The following UNC13C variants were observed in gnomAD, a reference collection of about 807,000 sequenced individuals.
UNC13C encodes the protein protein unc-13 homolog C.
In UNC13C, 174 loss-of-function variants were observed where a neutral mutation model predicts 245.4. The observed-to-expected ratio is 0.71, with a 90% CI of 0.63 to 0.80. The LOEUF (loss-of-function observed/expected upper bound fraction) is 0.80. Ranked by LOEUF, UNC13C falls within the 30% of genes least tolerant of loss-of-function variation. The pLI is 0.00. For missense variants in UNC13C, 2,829 were observed against 2,602.9 expected (o/e 1.09, Z -1.89); for synonymous variants, 992 against 895.1 (o/e 1.11, Z -1.93).
At chr15:54,387,370 C>T (rs545700283) in intron 17 of UNC13C, among the ~76,000 whole-genome samples, 30 of 152,270 alleles carry the variant, frequency 2.0e-4, no homozygotes, top group African/African-American at 7.2e-4. Context: ...TGTAAGATAA[C>T]TTCCAGGCAT....
At chr15:53,937,466 A>G in the UNC13C span, among the ~76,000 whole-genome samples, 1 of 152,210 alleles carries the variant, frequency 6.6e-6, no homozygotes, top group Non-Finnish European at 1.5e-5. Flanking sequence ...ATACTTTAGG[A>G]TTTCATACAG....
chr15:54,280,985 A>T (rs894528930), intron 10 of UNC13C, among the ~76,000 whole-genome samples: 1 of 151,774 alleles, frequency 6.6e-6, no homozygotes, highest in African/African-American at 2.4e-5. Context: ...TTTAGTAGAG[A>T]TGAGGATTTG....
intron 17 of UNC13C, among the ~76,000 whole-genome samples, chr15:54,354,113 A>C (rs2140848809): frequency 6.6e-6 from 1 of 152,266 alleles, no homozygotes; most frequent in East Asian, 1.9e-4. Flanking sequence ...GGCTCCCATC[A>C]ATTAGGAAGC....
the UNC13C span, chr15:53,955,691 G>A: frequency 2.0e-5 from 3 of 152,318 alleles, no homozygotes; most frequent in Non-Finnish European, 2.9e-5. Flanking sequence ...AGAGTGTACA[G>A]AAAGAGGATT....
chr15:54,140,920 G>C (rs1050429330), intron 2 of UNC13C, among the ~76,000 whole-genome samples: 1 of 152,036 alleles, frequency 6.6e-6, no homozygotes, highest in African/African-American at 2.4e-5. Context: ...GAACAAAAAA[G>C]GTTCACTGGC....
intron 17 of UNC13C, among the ~76,000 whole-genome samples, chr15:54,376,361 G>T (rs911288763): frequency 6.6e-6 from 1 of 152,084 alleles, no homozygotes; most frequent in South Asian, 2.1e-4. Context: ...AGATAACAAT[G>T]ACAGAAACAT....
intron 4 of UNC13C, among the ~76,000 whole-genome samples, chr15:54,193,404 ATAGCTT>A (rs2034252402): frequency 6.6e-6 from 1 of 152,150 alleles, no homozygotes; most frequent in Non-Finnish European, 1.5e-5. Flanking sequence ...CATTTAGGAA[ATAGCTT>A]CTTTCTTTCA....
chr15:54,180,528 T>A (rs145317374), intron 4 of UNC13C, among the ~76,000 whole-genome samples: 1 of 152,202 alleles, frequency 6.6e-6, no homozygotes, highest in East Asian at 1.9e-4. Context: ...GTAATGGCAT[T>A]GCTGGGTCAA....
At chr15:53,946,012 G>A in the UNC13C span, among the ~76,000 whole-genome samples, 1 of 152,072 alleles carries the variant, frequency 6.6e-6, no homozygotes. Flanking sequence ...TGTAGCAATT[G>A]TGAATGGGAT....
chr15:54,303,236 C>T (rs1019245006), intron 13 of UNC13C, among the ~76,000 whole-genome samples: 2 of 152,084 alleles, frequency 1.3e-5, no homozygotes, highest in Non-Finnish European at 2.9e-5. Context: ...GACATCTGTT[C>T]CATCCCATGC....
chr15:54,161,559 T>C (rs1305433672), intron 4 of UNC13C, among the ~76,000 whole-genome samples: 1 of 152,160 alleles, frequency 6.6e-6, no homozygotes, highest in Non-Finnish European at 1.5e-5. Context: ...TAAATATCAA[T>C]ATTTATTTCT....
chr15:53,993,475 A>C (rs1179678524), intron 1 of UNC13C, among the ~76,000 whole-genome samples: 1 of 152,072 alleles, frequency 6.6e-6, no homozygotes, highest in Non-Finnish European at 1.5e-5. Context: ...TTAGTCCTGA[A>C]GGGGGTATCT....
chr15:53,875,675 G>T, the UNC13C span, among the ~76,000 whole-genome samples: 1 of 152,162 alleles, frequency 6.6e-6, no homozygotes, highest in Non-Finnish European at 1.5e-5. Flanking sequence ...AGAAATTAAT[G>T]CTCCCTTTGT....
At chr15:54,034,865 G>T (rs1032261937) in intron 2 of UNC13C, among the ~76,000 whole-genome samples, 4 of 152,110 alleles carry the variant, frequency 2.6e-5, no homozygotes, top group South Asian at 4.1e-4. Flanking sequence ...AAACCTGGGA[G>T]ACTACTCTGA....
chr15:54,473,217 TATTTTA>T (rs937708882), intron 19 of UNC13C, among the ~76,000 whole-genome samples: 3 of 133,664 alleles, frequency 2.2e-5, no homozygotes, highest in Non-Finnish European at 5.0e-5. Context: ...TATTTTATTT[TATTTTA>T]TTTTATTGAT....
intron 30 of UNC13C, among the ~76,000 whole-genome samples, chr15:54,619,395 C>T (rs1900655157): frequency 4.6e-5 from 7 of 152,182 alleles, no homozygotes; most frequent in Admixed American, 4.6e-4. Context: ...CCTTTCTTTG[C>T]TGCACTTTGA....
At chr15:54,182,412 G>C (rs1340433697) in intron 4 of UNC13C, among the ~76,000 whole-genome samples, 1 of 152,040 alleles carries the variant, frequency 6.6e-6, no homozygotes, top group Non-Finnish European at 1.5e-5. Flanking sequence ...TTAACTTTTT[G>C]ATATGCTGTT....
At chr15:54,154,325 A>C (rs12916905) in intron 4 of UNC13C, among the ~76,000 whole-genome samples, 41,885 of 151,976 alleles carry the variant, frequency 0.28, 5,866 homozygotes, top group South Asian at 0.36. Context: ...CAATCCATGA[A>C]TATGGACTTA....
intron 18 of UNC13C, among the ~76,000 whole-genome samples, chr15:54,397,864 A>G (rs2040103735): frequency 6.6e-6 from 1 of 151,310 alleles, no homozygotes; most frequent in Middle Eastern, 3.2e-3. Flanking sequence ...TAGGTTCCTC[A>G]TGATTATTTA....
Sources: gnomAD v4.1 joint callset for allele counts (sites outside exome capture counted in the v4.1 genomes callset) on GRCh38, gnomAD v4.1.1 for gene constraint, MANE v1.5 for transcripts, NCBI Gene and HGNC (gene_info 2026-07-23, HGNC 2026-07-21) for gene names.